Variants in NKAIN2 observed in about 807,000 individuals in gnomAD.
NKAIN2 encodes the protein sodium/potassium-transporting ATPase subunit beta-1-interacting protein 2.
In NKAIN2, 14 loss-of-function variants were observed where a neutral mutation model predicts 32.6. The observed-to-expected ratio is 0.43, with a 90% CI of 0.28 to 0.67. The LOEUF (loss-of-function observed/expected upper bound fraction) is 0.67, where lower values mean the gene tolerates loss of function less well. Ranked by LOEUF, NKAIN2 falls within the 30% of genes least tolerant of loss-of-function variation. The probability of loss-of-function intolerance (pLI) is 0.17; values close to 1 mark genes in which losing one functional copy is unlikely to be tolerated. For missense variants in NKAIN2, 198 were observed against 258.3 expected, an observed-to-expected ratio of 0.77 and a Z score of 1.60; for synonymous variants, 80 against 87.2, an observed-to-expected ratio of 0.92 and a Z score of 0.46.
chr6:123,996,001 G>A (rs1779607927), intron 1 of NKAIN2, among the ~76,000 whole-genome samples: 1 of 151,956 alleles, frequency 6.6e-6, no homozygotes, highest in African/African-American at 2.4e-5. Context: ...TTGATAGATG[G>A]GAATGTTTCA....
chr6:124,459,213 A>G (rs988203209), intron 3 of NKAIN2, among the ~76,000 whole-genome samples: 11 of 151,906 alleles, frequency 7.2e-5, no homozygotes, highest in African/African-American at 2.7e-4. Flanking sequence ...AGACCCTGGG[A>G]GATTGACTGG....
rs369958707 is a variant in NKAIN2 at position 124,070,659 on chromosome 6, A to G, written c.55-212346A>G. 2.2e-4 allele frequency among the ~76,000 whole-genome samples: 34 copies of G among 152,226 alleles called. No individual in the cohort carries two copies. The East Asian group carries it at 4.3e-3, about 19-fold the overall frequency. ...CCAGTTTATTCTGACTATCACACCT[A>G]AGTTCAAACGCCTTTGAATGACTTC... On this transcript the variant is annotated intron_variant, in intron 1 of 6. Coordinates refer to ENST00000368417, the MANE Select transcript of NKAIN2 (RefSeq NM_001040214.3).
At chr6:124,375,420 A>T (rs1799948828) in intron 3 of NKAIN2, among the ~76,000 whole-genome samples, 1 of 147,854 alleles carries the variant, frequency 6.8e-6, no homozygotes, top group Non-Finnish European at 1.5e-5. Flanking sequence ...ATATGTATAT[A>T]AATTACATAT....
At chr6:124,187,605 A>C (rs536822995) in intron 1 of NKAIN2, among the ~76,000 whole-genome samples, 1 of 152,150 alleles carries the variant, frequency 6.6e-6, no homozygotes, top group Non-Finnish European at 1.5e-5. Flanking sequence ...TTCTCAACTG[A>C]AGTTTGATGA....
At chr6:124,024,560 CTT>C (rs751780564) in intron 1 of NKAIN2, among the ~76,000 whole-genome samples, 3 of 151,780 alleles carry the variant, frequency 2.0e-5, no homozygotes, top group East Asian at 3.9e-4. Flanking sequence ...TTAATGGACA[CTT>C]AGGCTCATTT....
At chr6:123,831,627 T>G (rs1039917342) in intron 1 of NKAIN2, among the ~76,000 whole-genome samples, 1 of 151,430 alleles carries the variant, frequency 6.6e-6, no homozygotes, top group South Asian at 2.1e-4. Context: ...TTCTTCCACA[T>G]CAGAGTGGTA....
chr6:124,576,404 A>T (rs1479942997), intron 3 of NKAIN2, among the ~76,000 whole-genome samples: 2 of 152,210 alleles, frequency 1.3e-5, no homozygotes, highest in Non-Finnish European at 2.9e-5. Flanking sequence ...CTCAAATTTG[A>T]TGCCAGTGGT....
intron 1 of NKAIN2, among the ~76,000 whole-genome samples, chr6:124,110,917 C>G (rs1401448659): frequency 1.3e-5 from 2 of 151,718 alleles, no homozygotes; most frequent in African/African-American, 4.8e-5. Context: ...TATCCAGTTC[C>G]CTCATTTTCT....
intron 3 of NKAIN2, among the ~76,000 whole-genome samples, chr6:124,639,834 G>A (rs1324424288): frequency 6.6e-6 from 1 of 151,992 alleles, no homozygotes; most frequent in African/African-American, 2.4e-5. Context: ...GAGAAGAGTC[G>A]GGAGAGAAGG....
rs115260025 is a variant in NKAIN2, at chr6:123,840,133, A to C, written c.54+35879A>C. 2.2e-3 allele frequency among the ~76,000 whole-genome samples: 334 copies of C among 152,188 alleles called. 3 individuals are homozygous for C. The highest frequency in any genetic ancestry group is 7.7e-3 in the African/African-American group (320 of 41,574). On this transcript the variant is annotated intron_variant, in intron 1 of 6. Coordinates refer to ENST00000368417, the MANE Select transcript of NKAIN2 (RefSeq NM_001040214.3). ...TTTAGTATTCATAAGTATGGCAGGAACAGTAATTGACAAATGCTTTATGTT... is the reference window on the plus strand; with the variant it reads ...TTTAGTATTCATAAGTATGGCAGGACCAGTAATTGACAAATGCTTTATGTT...
Position 123,943,923 on chromosome 6 carries a change from TTG to T in NKAIN2, c.54+139673_54+139674del, listed in dbSNP as rs568934634. 1.4e-4 allele frequency among the ~76,000 whole-genome samples: 21 copies of T among 152,122 alleles called. No homozygotes were observed. In the South Asian group the frequency reaches 4.0e-3, roughly 29 times the overall value. On this transcript the variant is annotated intron_variant, in intron 1 of 6. Coordinates refer to ENST00000368417, the MANE Select transcript of NKAIN2 (RefSeq NM_001040214.3). ...AAACACAAGCACTTTGTTCACAGAG[TTG>T]TGTTATTGGTCCTCACTGAATTTAA... is the stretch of plus-strand genomic sequence containing the variant.
intron 3 of NKAIN2, among the ~76,000 whole-genome samples, chr6:124,496,443 C>T (rs1778066633): frequency 6.6e-6 from 1 of 152,108 alleles, no homozygotes; most frequent in Admixed American, 6.6e-5. Flanking sequence ...CATGGCACTG[C>T]CCTCAGAGAT....
intron 4 of NKAIN2, among the ~76,000 whole-genome samples, chr6:124,664,077 G>A (rs1583605830): frequency 6.6e-6 from 1 of 151,808 alleles, no homozygotes; most frequent in Non-Finnish European, 1.5e-5. Flanking sequence ...GAGTTTGAAA[G>A]CAGCCTGGCC....
rs1793451867 is a variant in NKAIN2, at chr6:124,247,164, G to A, written c.55-35841G>A. Among the ~76,000 whole-genome samples, 3 of 152,058 alleles carry A rather than the reference G, an allele frequency of 2.0e-5. No individual in the cohort carries two copies. In the South Asian group the frequency reaches 6.2e-4, roughly 32 times the overall value. On this transcript the variant is annotated intron_variant, in intron 1 of 6. Transcript: ENST00000368417. ...GATTGTGCCCACCCAGAATGCAAGG[G>A]CGGGGTCATGGATAACTTTTGGAGC...
intron 1 of NKAIN2, among the ~76,000 whole-genome samples, chr6:124,012,423 C>T (rs1780380044): frequency 6.6e-6 from 1 of 150,964 alleles, no homozygotes; most frequent in African/African-American, 2.4e-5. Flanking sequence ...GCAAGCTCCG[C>T]CTCCCAGGTT....
intron 1 of NKAIN2, among the ~76,000 whole-genome samples, chr6:124,064,998 C>T (rs906155316): frequency 1.3e-5 from 2 of 152,072 alleles, no homozygotes; most frequent in Non-Finnish European, 2.9e-5. Context: ...ACTGAGTTAG[C>T]TGTTCTCTTT....
At chr6:124,658,566 T>A in intron 4 of NKAIN2, 180 bp downstream of exon 4, 1 of 1,421,622 alleles carries the variant, frequency 7.0e-7, no homozygotes, top group South Asian at 1.5e-5. Flanking sequence ...GGACTTAGTG[T>A]GCTGATTTTC....
intron 5 of NKAIN2, among the ~76,000 whole-genome samples, chr6:124,794,534 A>T (rs767925920): frequency 1.3e-5 from 2 of 152,216 alleles, no homozygotes; most frequent in Non-Finnish European, 2.9e-5. Context: ...ATTAATCCAA[A>T]ACACAAGCAG....
chr6:124,686,064 C>T (rs1002900397), intron 4 of NKAIN2, among the ~76,000 whole-genome samples: 1 of 152,128 alleles, frequency 6.6e-6, no homozygotes. Context: ...GTTCTGTGTG[C>T]ATGTAGGACT....
Sources: allele counts gnomAD v4.1 joint callset (sites outside exome capture counted in the v4.1 genomes callset), GRCh38; gene constraint gnomAD v4.1.1; transcripts MANE v1.5; gene names NCBI Gene and HGNC (gene_info 2026-07-23, HGNC 2026-07-21).